The following EPHA5 variants were observed in gnomAD, a reference collection of about 807,000 sequenced individuals.
The protein encoded by EPHA5 is EPH receptor A5.
A neutral mutation model predicts 105.0 loss-of-function variants in EPHA5; 60 were observed. The ratio of observed to expected loss-of-function variants is 0.57; its 90% confidence interval spans 0.46 to 0.71. The LOEUF is 0.71. EPHA5 is among the 30% of genes least tolerant of loss of function. The pLI is 0.00. For synonymous variants in EPHA5, 513 were observed against 449.1 expected (o/e 1.14, Z -1.80); for missense variants, 1,218 against 1,274.7 (o/e 0.96, Z 0.68).
At chr4:65,612,510 CTTT>C (rs1311418405) in intron 2 of EPHA5, among the ~76,000 whole-genome samples, 1 of 152,144 alleles carries the variant, frequency 6.6e-6, no homozygotes, top group Non-Finnish European at 1.5e-5. Flanking sequence ...CTTCATTCTT[CTTT>C]ATTATTGAGT....
chr4:65,450,883 T>C (rs577646869), intron 5 of EPHA5, among the ~76,000 whole-genome samples: 66 of 152,278 alleles, frequency 4.3e-4, no homozygotes, highest in African/African-American at 1.5e-3. Flanking sequence ...TTCTCTTTTA[T>C]GCACTTTAAC....
At chr4:65,650,556 T>C (rs1387030841) in intron 1 of EPHA5, among the ~76,000 whole-genome samples, 1 of 28,126 alleles carries the variant, frequency 3.6e-5, no homozygotes, top group Non-Finnish European at 8.4e-5. Flanking sequence ...TGAGACTCAG[T>C]CTCAAAAAAA....
At chr4:65,401,821 G>A (rs183323397) in intron 8 of EPHA5, among the ~76,000 whole-genome samples, 2 of 151,962 alleles carry the variant, frequency 1.3e-5, no homozygotes, top group Admixed American at 6.6e-5. Context: ...CCTGATTCTA[G>A]TACAAATGAG....
In EPHA5 at chr4:65,604,495, C is replaced by A. The variant is rs1225399285; in HGVS notation, c.247-2191G>T. Among the ~76,000 whole-genome samples, 3 of 152,084 alleles carry A rather than the reference C, an allele frequency of 2.0e-5. No homozygotes were observed. In the East Asian group the frequency reaches 5.8e-4, roughly 29 times the overall value. ...GCTCACATTTAATATTTCTAGTGAG[C>A]AAATAGAATGAGTTTAATTTAAATA... On this transcript the variant is annotated intron_variant, in intron 2 of 16. Coordinates refer to ENST00000613740, the MANE Select transcript of EPHA5 (RefSeq NM_001281766.3).
At chr4:65,519,053 G>A (rs1019980618) in intron 3 of EPHA5, among the ~76,000 whole-genome samples, 8 of 152,050 alleles carry the variant, frequency 5.3e-5, no homozygotes, top group African/African-American at 1.9e-4. Context: ...GAACATGGAT[G>A]CAAAAATCCT....
chr4:65,646,231 T>G (rs28609670), intron 1 of EPHA5, among the ~76,000 whole-genome samples: 41,951 of 152,028 alleles, frequency 0.28, 6,249 homozygotes, highest in Non-Finnish European at 0.33. Context: ...GACTACTCAA[T>G]TCCTATCTCT....
chr4:65,607,509 A>G (rs916754804), intron 2 of EPHA5, among the ~76,000 whole-genome samples: 1 of 152,142 alleles, frequency 6.6e-6, no homozygotes, highest in African/African-American at 2.4e-5. Context: ...AAAACATCAA[A>G]AAGTGGGCAA....
chr4:65,582,573 G>A (rs1176466188), intron 3 of EPHA5, among the ~76,000 whole-genome samples: 1 of 151,368 alleles, frequency 6.6e-6, no homozygotes, highest in Non-Finnish European at 1.5e-5. Context: ...GTGCTTTCTT[G>A]AAGTTGAAAT....
rs1183046989 is a variant in EPHA5 at position 65,482,841 on chromosome 4, CT to C, written c.1402+7535del. ...AAGACATTGCCTACCATTTCTTTTC[CT>C]TTTTTTTTTTAGAGGATCTTTTTTT... On this transcript the variant is annotated intron_variant, in intron 5 of 16. Transcript: ENST00000613740. 3.9e-3 allele frequency among the ~76,000 whole-genome samples: 458 copies of C among 117,086 alleles called. 1 individual carries two copies. The highest frequency in any genetic ancestry group is 0.012 in the African/African-American group (383 of 31,924). The allele number at this position is 117,086 out of a possible 152,430, so 76.8% of individuals were successfully genotyped here. A position where few individuals can be genotyped will look rare whatever the true frequency, so the allele number is the denominator to read the frequency against.
At chr4:65,537,478 T>A (rs562411137) in intron 3 of EPHA5, among the ~76,000 whole-genome samples, 112 of 151,898 alleles carry the variant, frequency 7.4e-4, no homozygotes, top group Middle Eastern at 6.8e-3. Context: ...TACTTCAAAA[T>A]AAACTAAATG....
At chr4:65,480,500 G>A (rs1211110844) in intron 5 of EPHA5, among the ~76,000 whole-genome samples, 1 of 152,122 alleles carries the variant, frequency 6.6e-6, no homozygotes, top group East Asian at 1.9e-4. Flanking sequence ...TCTTCACGAA[G>A]TTCTCGTTTT....
intron 5 of EPHA5, among the ~76,000 whole-genome samples, chr4:65,442,646 T>C (rs1210508789): frequency 6.6e-6 from 1 of 152,182 alleles, no homozygotes; most frequent in African/African-American, 2.4e-5. Flanking sequence ...CACACAATAA[T>C]TTTTACATAT....
At chr4:65,586,899 T>C (rs1254617718) in intron 3 of EPHA5, among the ~76,000 whole-genome samples, 1 of 152,152 alleles carries the variant, frequency 6.6e-6, no homozygotes, top group African/African-American at 2.4e-5. Context: ...ACAGTTCTGT[T>C]CTACCCATTA....
intron 8 of EPHA5, among the ~76,000 whole-genome samples, chr4:65,396,726 G>A (rs1385175953): frequency 1.3e-5 from 2 of 152,164 alleles, no homozygotes; most frequent in African/African-American, 2.4e-5. Flanking sequence ...AGGCAAAGAG[G>A]GGCCTTGGTA....
At chr4:65,640,766 A>G (rs1747593143) in intron 2 of EPHA5, among the ~76,000 whole-genome samples, 1 of 152,164 alleles carries the variant, frequency 6.6e-6, no homozygotes. Context: ...GCTTGTGCAC[A>G]AGTAAAACCT....
At chr4:65,534,348 GT>G (rs1234723659) in intron 3 of EPHA5, among the ~76,000 whole-genome samples, 3 of 152,014 alleles carry the variant, frequency 2.0e-5, no homozygotes, top group Non-Finnish European at 4.4e-5. Flanking sequence ...GAAATATTTT[GT>G]TTACACAAAT....
At chr4:65,537,883 CA>C (rs1474435578) in intron 3 of EPHA5, among the ~76,000 whole-genome samples, 1 of 151,658 alleles carries the variant, frequency 6.6e-6, no homozygotes, top group African/African-American at 2.4e-5. Flanking sequence ...ATAATCATCA[CA>C]AAAATTATTT....
At chr4:65,421,316 A>G (rs756232202) in intron 5 of EPHA5, among the ~76,000 whole-genome samples, 3 of 152,046 alleles carry the variant, frequency 2.0e-5, no homozygotes, top group African/African-American at 4.8e-5. Flanking sequence ...CAATCTGCTG[A>G]TATATGTATA....
At chr4:65,648,028 A>T (rs534012025) in intron 1 of EPHA5, among the ~76,000 whole-genome samples, 12 of 152,324 alleles carry the variant, frequency 7.9e-5, no homozygotes, top group South Asian at 4.1e-4. Flanking sequence ...ATTACTACAC[A>T]TTAACAATTT....
Sources: gnomAD v4.1 joint callset for allele counts (sites outside exome capture counted in the v4.1 genomes callset) on GRCh38, gnomAD v4.1.1 for gene constraint, MANE v1.5 for transcripts, NCBI Gene and HGNC (gene_info 2026-07-23, HGNC 2026-07-21) for gene names.